Variants in DNAJC6 observed in about 807,000 individuals in gnomAD.
DNAJC6 encodes DnaJ heat shock protein family (Hsp40) member C6.
A neutral mutation model predicts 110.0 loss-of-function variants in DNAJC6; 34 were observed. The observed-to-expected ratio is 0.31, with a 90% confidence interval of 0.24 to 0.41. The LOEUF (loss-of-function observed/expected upper bound fraction) is 0.41. DNAJC6 is among the 10% of genes least tolerant of loss of function. The pLI is 1.00. For synonymous variants in DNAJC6, 406 were observed against 437.2 expected, an observed-to-expected ratio of 0.93 and a Z score of 0.89; for missense variants, 1,031 against 1,207.8, an observed-to-expected ratio of 0.85 and a Z score of 2.17.
intron 1 of DNAJC6, among the ~76,000 whole-genome samples, chr1:65,285,685 T>G (rs548333901): frequency 6.6e-6 from 1 of 152,158 alleles, no homozygotes; most frequent in Non-Finnish European, 1.5e-5. Context: ...TTTTGTTTTG[T>G]TTTTTGAGAA....
rs1333727010 is a variant in DNAJC6 at position 65,406,123 on chromosome 1, A to G, written c.2481A>G (p.Ser827=). The G allele has an allele frequency of 2.5e-6, 4 of 1,613,674 alleles. No homozygotes were observed. The highest frequency in any genetic ancestry group is 1.3e-5 in the African/African-American group (1 of 74,932). The change falls in exon 16 of 19, where the codon TCA becomes TCG. Residue 827 remains serine (S), a synonymous_variant. Coordinates refer to ENST00000371069, the MANE Select transcript of DNAJC6 (RefSeq NM_001256864.2). ...PGGQNERGKG[S]SNLEGKQKAA... is the part of the protein sequence containing the mutation. ...GCCAGAACGAACGTGGGAAAGGATC[A>G]AGTAATTTGGGTAAGGATAATGGTA...
intron 4 of DNAJC6, among the ~76,000 whole-genome samples, chr1:65,378,833 T>G (rs933249291): frequency 1.3e-5 from 2 of 152,232 alleles, no homozygotes; most frequent in African/African-American, 2.4e-5. Flanking sequence ...CCAAGCAATA[T>G]TCCTATAACT....
intron 12 of DNAJC6, among the ~76,000 whole-genome samples, chr1:65,394,109 C>T (rs1645954765): frequency 6.6e-6 from 1 of 152,178 alleles, no homozygotes; most frequent in Admixed American, 6.5e-5. Context: ...TATCAGTACT[C>T]GATAATTGCA....
chr1:65,330,329 A>T (rs1645276228), intron 1 of DNAJC6, among the ~76,000 whole-genome samples: 1 of 152,224 alleles, frequency 6.6e-6, no homozygotes, highest in Non-Finnish European at 1.5e-5. Context: ...AACATGTTGC[A>T]ATCCTCTACC....
chr1:65,401,331 G>A (rs545412080), intron 14 of DNAJC6, among the ~76,000 whole-genome samples: 1 of 152,244 alleles, frequency 6.6e-6, no homozygotes, highest in Non-Finnish European at 1.5e-5. Context: ...TTTGTTGCCT[G>A]TGATGTTGGT....
At chr1:65,365,194 A>G (rs1271675244) in intron 2 of DNAJC6, among the ~76,000 whole-genome samples, 1 of 152,180 alleles carries the variant, frequency 6.6e-6, no homozygotes, top group East Asian at 1.9e-4. Context: ...CTGAATAAGC[A>G]TTACCTACGG....
At chr1:65,345,676 G>T in intron 1 of DNAJC6, 16 of 923,810 alleles carry the variant, frequency 1.7e-5, no homozygotes, top group Non-Finnish European at 2.0e-5. Context: ...TTTTTGAGTG[G>T]AAGGAGTCTG....
chr1:65,293,496 C>T lies in DNAJC6; in HGVS notation c.-131+28564C>T, dbSNP rs560116088. On this transcript the variant is annotated intron_variant, in intron 1 of 19. Coordinates refer to the DNAJC6 transcript ENST00000263441. The stretch of plus-strand genomic sequence containing the variant: ...CATAGGAATTTTGGAGGGACACAGA[C>T]ACTCCCCAACACCCTCTATTGTACA... 8.5e-5 allele frequency among the ~76,000 whole-genome samples: 13 copies of T among 152,236 alleles called. 1 individual carries two copies. In the South Asian group the frequency reaches 2.7e-3, roughly 32 times the overall value.
chr1:65,383,993 G>T, intron 5 of DNAJC6, 200 bp from the exon 6 acceptor site: 1 of 439,534 alleles, frequency 2.3e-6, no homozygotes, highest in Non-Finnish European at 3.8e-6. Flanking sequence ...TTATTCTAAG[G>T]ATAAGTCTTT....
chr1:65,288,665 A>G (rs1322566043), intron 1 of DNAJC6, among the ~76,000 whole-genome samples: 5 of 152,216 alleles, frequency 3.3e-5, no homozygotes, highest in African/African-American at 1.2e-4. Flanking sequence ...GCCCCTTTCT[A>G]GTTCCTGACA....
rs930274115 is a variant in DNAJC6, at chr1:65,309,975, G to C, written c.193+37G>C. 1.5e-5 allele frequency: 20 copies of C among 1,363,066 alleles called. No individual in the cohort carries two copies. The African/African-American group carries it at 2.8e-4, about 19-fold the overall frequency. The allele number at this position is 1,363,066 out of a possible 1,614,324, so 84.4% of individuals were successfully genotyped here. On this transcript the variant is annotated intron_variant, in intron 1 of 18. Transcript: ENST00000371069. ...CGAGGGGAGTGCAGCGCTGAGCCCC[G>C]CGCGGCCTCCGGAGCCTCCCAGTCG...
At chr1:65,269,367 CAAAA>C (rs78150700) in intron 1 of DNAJC6, among the ~76,000 whole-genome samples, 1 of 100,110 alleles carries the variant, frequency 1.0e-5, no homozygotes. Context: ...GACCCTGTCT[CAAAA>C]AAAAAAAAAA....
intron 1 of DNAJC6, among the ~76,000 whole-genome samples, chr1:65,301,324 T>TCC (rs34122184): frequency 7.3e-5 from 11 of 151,210 alleles, no homozygotes; most frequent in African/African-American, 1.5e-4. Flanking sequence ...AATGGGCACT[T>TCC]CCCCCCCCAC....
intron 1 of DNAJC6, among the ~76,000 whole-genome samples, chr1:65,267,558 C>T (rs1337255435): frequency 6.6e-6 from 1 of 151,186 alleles, no homozygotes; most frequent in Non-Finnish European, 1.5e-5. Context: ...GACATCACAT[C>T]GGTTTTTTTT....
chr1:65,333,953 A>G (rs761762418), intron 1 of DNAJC6, among the ~76,000 whole-genome samples: 4 of 152,246 alleles, frequency 2.6e-5, no homozygotes, highest in Non-Finnish European at 5.9e-5. Flanking sequence ...CAAAGTAACC[A>G]TAAGGCTTCA....
chr1:65,407,282 G>T lies in DNAJC6; in HGVS notation c.2491+1149G>T, dbSNP rs140840860. Among the ~76,000 whole-genome samples the T allele has an allele frequency of 2.2e-4, 33 of 152,210 alleles. 1 individual carries two copies. The highest frequency in any genetic ancestry group is 7.5e-4 in the African/African-American group (31 of 41,532). ...AAAAAAAGAGTACTGTATATATAGG[G>T]TCTGGTACTATCTGCAGTTTTAGGT... On this transcript the variant is annotated intron_variant, in intron 16 of 18. Coordinates refer to ENST00000371069, the MANE Select transcript of DNAJC6 (RefSeq NM_001256864.2).
chr1:65,267,575 G>A (rs991589086), intron 1 of DNAJC6, among the ~76,000 whole-genome samples: 1 of 150,040 alleles, frequency 6.7e-6, no homozygotes, highest in African/African-American at 2.5e-5. Flanking sequence ...TTTTTTTCCT[G>A]TGAGTTTCAG....
intron 1 of DNAJC6, among the ~76,000 whole-genome samples, chr1:65,302,992 C>T (rs368934294): frequency 6.6e-6 from 1 of 152,146 alleles, no homozygotes; most frequent in Non-Finnish European, 1.5e-5. Flanking sequence ...TACCCAGTCT[C>T]CTGTATTCTA....
chr1:65,295,679 A>G (rs1237533672), intron 1 of DNAJC6, among the ~76,000 whole-genome samples: 1 of 151,958 alleles, frequency 6.6e-6, no homozygotes, highest in Non-Finnish European at 1.5e-5. Context: ...TTCAAGTTCA[A>G]ATATCCAGGC....
Sources: allele counts gnomAD v4.1 joint callset (sites outside exome capture counted in the v4.1 genomes callset), GRCh38; gene constraint gnomAD v4.1.1; transcripts MANE v1.5; gene names NCBI Gene and HGNC (gene_info 2026-07-23, HGNC 2026-07-21).